CYLC1: variants seen among roughly 807,000 people sequenced by gnomAD.
The protein encoded by CYLC1 is cylicin-1.
A neutral mutation model predicts 31.6 loss-of-function variants in CYLC1; 2 were observed. That is an observed-to-expected ratio of 0.06 (90% CI 0.03 to 0.20). The LOEUF (loss-of-function observed/expected upper bound fraction) is 0.20, where lower values mean the gene tolerates loss of function less well. Among genes scored for constraint, CYLC1 ranks in the 10% least tolerant of loss-of-function variants. The pLI is 1.00. For synonymous variants in CYLC1, 185 were observed against 153.0 expected (o/e 1.21, Z -1.54); for missense variants, 595 against 424.1 (o/e 1.40, Z -3.54).
At chrX:83,885,922 G>A (rs1430241207) in intron 4 of CYLC1, among the ~76,000 whole-genome samples, 2 of 109,940 alleles carry the variant, frequency 1.8e-5, no homozygotes, top group Non-Finnish European at 3.8e-5. Context: ...AAACAGATTA[G>A]TATGCATTCA....
intron 2 of CYLC1, among the ~76,000 whole-genome samples, chrX:83,870,992 C>T (rs529910282): frequency 1.8e-5 from 2 of 110,092 alleles, no homozygotes; most frequent in African/African-American, 6.6e-5. Context: ...TGTAATCAAT[C>T]AAGACTTTTA....
At chrX:83,878,093 T>C (rs867719981) in intron 4 of CYLC1, among the ~76,000 whole-genome samples, 1 of 56,166 alleles carries the variant, frequency 1.8e-5, no homozygotes, top group African/African-American at 7.4e-5. Flanking sequence ...TATATATTTG[T>C]ATATAAATAT....
intron 1 of CYLC1, among the ~76,000 whole-genome samples, chrX:83,862,604 TC>T (rs2031530780): frequency 8.9e-6 from 1 of 112,075 alleles, no homozygotes; most frequent in African/African-American, 3.2e-5. Context: ...AAAATTGAGC[TC>T]CCCAAAGTGA....
chrX:83,871,496 T>C lies in CYLC1; in HGVS notation c.103T>C (p.Leu35=). 1 of 1,204,964 alleles carries C rather than the reference T, an allele frequency of 8.3e-7. No homozygotes were observed. Residue 35 remains leucine (L), a synonymous_variant, in exon 3 of 5, where the codon TTG becomes CTG. Coordinates refer to ENST00000329312, the MANE Select transcript of CYLC1 (RefSeq NM_021118.3). ...ATCATGGAATCAAAAACACTTTGCT[T>C]TGACATTTCCCAAACCACTCCAGAG... ...RKSWNQKHFA[L]TFPKPLQRGT...
chrX:83,873,985 A>C lies in CYLC1; in HGVS notation c.1277A>C (p.Lys426Thr). 8.5e-7 allele frequency: 1 copy of C among 1,181,705 alleles called. No individual in the cohort carries two copies. The highest frequency in any genetic ancestry group is 2.4e-5 in the Admixed American group (1 of 41,971). The change falls in exon 4 of 5, where the codon AAA becomes ACA. Residue 426 changes from lysine (K) to threonine (T), a missense_variant. Coordinates refer to ENST00000329312, the MANE Select transcript of CYLC1 (RefSeq NM_021118.3). ...AGTCAGAAAGATGAAAAAAAGGATA[A>C]AAAAGATTCAAAGACAGATAATAAA... ...KESQKDEKKD[K>T]KDSKTDNKKS...
intron 4 of CYLC1, among the ~76,000 whole-genome samples, chrX:83,878,136 A>C (rs1395064313): frequency 2.0e-5 from 1 of 50,534 alleles, no homozygotes; most frequent in African/African-American, 8.4e-5. Flanking sequence ...ATATATATAT[A>C]AAAATATATA....
chrX:83,874,383 G>T lies in CYLC1; in HGVS notation c.1675G>T (p.Asp559Tyr), dbSNP rs751615222. ...LYKPGAKKKI[D>Y]ESDGTSANSK... Reference sequence around the variant, plus strand: ...TAAACCTGGGGCTAAGAAGAAAATTGATGAATCAGATGGCACATCTGCAAA... The same window carrying T: ...TAAACCTGGGGCTAAGAAGAAAATTTATGAATCAGATGGCACATCTGCAAA... The change falls in exon 4 of 5, where the codon GAT (aspartate) becomes TAT (tyrosine). Residue 559 changes from aspartate (D) to tyrosine (Y), a missense_variant. By Grantham distance (160) the Asp-to-Tyr change is radical. Transcript: ENST00000329312. 3.3e-6 allele frequency: 4 copies of T among 1,209,908 alleles called. No homozygotes were observed. In the South Asian group the frequency reaches 5.3e-5, roughly 16 times the overall value.
chrX:83,862,700 C>A (rs192815628), intron 1 of CYLC1, among the ~76,000 whole-genome samples: 186 of 112,069 alleles, frequency 1.7e-3, no homozygotes, highest in African/African-American at 5.9e-3. Context: ...ATCACAAAGA[C>A]CTTAGGTTTA....
In CYLC1 at chrX:83,873,453, A is replaced by T; in HGVS notation, c.745A>T (p.Met249Leu). ...AAATAGTTTAAATGTTGATTTCCTC[A>T]TGTTAGTGGGACAGTCTGATGATGA... ...SENSLNVDFL[M>L]LVGQSDDESI... Residue 249 changes from methionine to leucine, a missense_variant, in exon 4 of 5, where the codon ATG becomes TTG. By Grantham distance (15) the Met-to-Leu change is conservative. Coordinates refer to ENST00000329312, the MANE Select transcript of CYLC1 (RefSeq NM_021118.3). 8.3e-7 allele frequency: 1 copy of T among 1,199,451 alleles called. No individual in the cohort carries two copies. The highest frequency in any genetic ancestry group is 1.8e-5 in the South Asian group (1 of 54,988).
intron 2 of CYLC1, among the ~76,000 whole-genome samples, chrX:83,870,299 G>A (rs1243448469): frequency 2.7e-5 from 3 of 111,186 alleles, no homozygotes; most frequent in Non-Finnish European, 3.8e-5. Flanking sequence ...CTTTAGGAAC[G>A]TTTACGTTAA....
At chrX:83,872,603 G>A (rs2031681409) in intron 3 of CYLC1, among the ~76,000 whole-genome samples, 1 of 109,053 alleles carries the variant, frequency 9.2e-6, no homozygotes, top group Non-Finnish European at 1.9e-5. Context: ...GGAATGTCAT[G>A]AGTCACTGTG....
intron 1 of CYLC1, among the ~76,000 whole-genome samples, chrX:83,864,134 C>A (rs2031557318): frequency 9.0e-6 from 1 of 111,548 alleles, no homozygotes; most frequent in African/African-American, 3.3e-5. Flanking sequence ...TAGATTAGGG[C>A]ACAACTTAAT....
chrX:83,861,430 G>A (rs564113652), intron 1 of CYLC1, among the ~76,000 whole-genome samples: 2 of 106,856 alleles, frequency 1.9e-5, no homozygotes, highest in South Asian at 3.8e-4. Flanking sequence ...AATCTTGACT[G>A]TTTGATCTCT....
intron 4 of CYLC1, among the ~76,000 whole-genome samples, chrX:83,880,903 T>A (rs748869890): frequency 8.9e-6 from 1 of 111,794 alleles, no homozygotes; most frequent in East Asian, 2.8e-4. Flanking sequence ...CTCTCCTCAA[T>A]AAAATTAATT....
chrX:83,874,683 AC>A, intron 4 of CYLC1, 52 bp downstream of exon 4: 1 of 1,081,592 alleles, frequency 9.2e-7, no homozygotes, highest in Non-Finnish European at 1.2e-6. Context: ...AAAATGAAAG[AC>A]TTTTTAAAGT....
At chrX:83,862,059 A>T (rs2031515227) in intron 1 of CYLC1, among the ~76,000 whole-genome samples, 1 of 111,895 alleles carries the variant, frequency 8.9e-6, no homozygotes, top group Admixed American at 9.5e-5. Context: ...CACAAATTCG[A>T]AATAAAAAGA....
At chrX:83,871,139 A>C (rs946905413) in intron 2 of CYLC1, among the ~76,000 whole-genome samples, 8 of 110,796 alleles carry the variant, frequency 7.2e-5, no homozygotes, top group African/African-American at 2.6e-4. Context: ...GGAAACAGTA[A>C]ATCTCTATTT....
chrX:83,868,276 TA>T (rs1165290904), intron 1 of CYLC1, among the ~76,000 whole-genome samples: 1 of 111,441 alleles, frequency 9.0e-6, no homozygotes, highest in Non-Finnish European at 1.9e-5. Flanking sequence ...ATAACCATGC[TA>T]TTTCTCTAAA....
intron 1 of CYLC1, among the ~76,000 whole-genome samples, chrX:83,863,564 C>T (rs779949641): frequency 2.7e-5 from 3 of 111,350 alleles, no homozygotes; most frequent in South Asian, 3.8e-4. Flanking sequence ...AACCTCTAAT[C>T]ATGCCACACA....
Sources: allele counts gnomAD v4.1 joint callset (sites outside exome capture counted in the v4.1 genomes callset), GRCh38; gene constraint gnomAD v4.1.1; transcripts MANE v1.5; gene names NCBI Gene and HGNC (gene_info 2026-07-23, HGNC 2026-07-21).